The following ANKRD55 variants were observed in gnomAD, a reference collection of about 807,000 sequenced individuals.
ANKRD55 encodes the protein ankyrin repeat domain 55, also known as ankyrin repeat domain-containing protein 55.
Under a neutral mutation model 60.6 loss-of-function variants are expected in ANKRD55, and 41 were observed. That is an observed-to-expected ratio of 0.68 (90% CI 0.53 to 0.88). The LOEUF (loss-of-function observed/expected upper bound fraction) is 0.88, where lower values mean the gene tolerates loss of function less well. Ranked by LOEUF, ANKRD55 falls within the 40% of genes least tolerant of loss-of-function variation. The pLI is 0.00. For missense variants in ANKRD55, 732 were observed against 767.6 expected, an observed-to-expected ratio of 0.95 and a Z score of 0.55; for synonymous variants, 264 against 290.3, an observed-to-expected ratio of 0.91 and a Z score of 0.92.
intron 2 of ANKRD55, among the ~76,000 whole-genome samples, chr5:56,227,236 G>A (rs1455483178): frequency 4.0e-5 from 6 of 151,466 alleles, no homozygotes; most frequent in Non-Finnish European, 7.4e-5. Context: ...ACTATCGCAA[G>A]GACAGAAAAC....
Position 56,134,815 on chromosome 5 carries a change from A to G in ANKRD55, c.613-7709T>C, listed in dbSNP as rs140423918. On this transcript the variant is annotated intron_variant, in intron 7 of 11. Transcript: ENST00000341048. ...AGATATTATAAGAAAACTATAGACC[A>G]ATAACTTTCATAAAGATAGATGTAA... Among the ~76,000 whole-genome samples, 128 of 152,306 alleles carry G rather than the reference A, an allele frequency of 8.4e-4. 3 individuals carry two copies. In the East Asian group the frequency reaches 0.021, roughly 25 times the overall value.
At chr5:56,227,159 T>TA (rs1273363358) in intron 2 of ANKRD55, among the ~76,000 whole-genome samples, 3 of 151,752 alleles carry the variant, frequency 2.0e-5, no homozygotes, top group Non-Finnish European at 4.4e-5. Flanking sequence ...TATGCAGCCA[T>TA]AAAAAAGGAT....
Position 56,151,839 on chromosome 5 carries a change from A to ATG in ANKRD55, c.484-7912_484-7911dup, listed in dbSNP as rs1554039886. The stretch of plus-strand genomic sequence containing the variant: ...GAAAAAAAAAAATCTATATATATAT[A>ATG]TGTGTGTGTGTATATATATGTATAT... On this transcript the variant is annotated intron_variant, in intron 6 of 11. Transcript: ENST00000341048. Among the ~76,000 whole-genome samples, 475 of 147,962 alleles carry ATG rather than the reference A, an allele frequency of 3.2e-3. 3 individuals are homozygous for ATG. Among genetic ancestry groups the ATG allele is most frequent in the African/African-American group, 0.011 (440 of 40,252 alleles).
chr5:56,127,249 A>G lies in ANKRD55; in HGVS notation c.613-143T>C. 7 of 1,306,690 alleles carry G rather than the reference A, an allele frequency of 5.4e-6. No individual in the cohort carries two copies. In the South Asian group the frequency reaches 1.6e-4, roughly 30 times the overall value. 80.9% of individuals were successfully genotyped at this position (1,306,690 alleles called of 1,614,324 possible). ...TGAAAAGAGAAAAGGAAATGGAAAAAAAAGAATAAAAATACACTCTATCTA... is the reference window on the plus strand; with the variant it reads ...TGAAAAGAGAAAAGGAAATGGAAAAGAAAGAATAAAAATACACTCTATCTA... On this transcript the variant is annotated intron_variant, in intron 7 of 11. Coordinates refer to ENST00000341048, the MANE Select transcript of ANKRD55 (RefSeq NM_024669.3).
intron 4 of ANKRD55, among the ~76,000 whole-genome samples, 193 bp downstream of exon 4, chr5:56,175,959 A>G (rs548332477): frequency 6.6e-6 from 1 of 152,336 alleles, no homozygotes; most frequent in Admixed American, 6.5e-5. Flanking sequence ...AGGAAGATCC[A>G]AAATGGCCCA....
At chr5:56,136,114 A>AAAAT (rs1413547677) in intron 7 of ANKRD55, among the ~76,000 whole-genome samples, 1 of 152,188 alleles carries the variant, frequency 6.6e-6, no homozygotes, top group Non-Finnish European at 1.5e-5. Context: ...AAAAATTATA[A>AAAAT]AAATAAATAA....
At position 56,150,283 on chromosome 5, in the gene ANKRD55, T is replaced by C. The variant is rs1758007233; in HGVS notation, c.484-6354A>G. 2.0e-5 allele frequency among the ~76,000 whole-genome samples: 3 copies of C among 152,192 alleles called. No individual in the cohort carries two copies. The South Asian group carries it at 6.2e-4, about 31-fold the overall frequency. ...GTGCTATTACATTAGTGATTGCAGATCACTACATGTCTCACTACTTCAACA... is the reference window on the plus strand; with the variant it reads ...GTGCTATTACATTAGTGATTGCAGACCACTACATGTCTCACTACTTCAACA... On this transcript the variant is annotated intron_variant, in intron 6 of 11. Coordinates refer to ENST00000341048, the MANE Select transcript of ANKRD55 (RefSeq NM_024669.3).
At chr5:56,137,443 A>G (rs1020730319) in intron 7 of ANKRD55, 7 of 836,234 alleles carry the variant, frequency 8.4e-6, no homozygotes, top group Non-Finnish European at 1.2e-5. Context: ...AAGGAACAAA[A>G]TGTTCCTAAA....
chr5:56,161,550 G>A (rs1005212812), intron 5 of ANKRD55, among the ~76,000 whole-genome samples: 3 of 152,204 alleles, frequency 2.0e-5, no homozygotes, highest in Non-Finnish European at 2.9e-5. Context: ...AATACACAGA[G>A]AGCTTAAATA....
At chr5:56,129,406 G>T (rs1757352914) in intron 7 of ANKRD55, among the ~76,000 whole-genome samples, 1 of 152,166 alleles carries the variant, frequency 6.6e-6, no homozygotes, top group African/African-American at 2.4e-5. Flanking sequence ...GTATTTATTT[G>T]TTTTTGTTCA....
At chr5:56,123,225 G>A (rs976752076) in intron 8 of ANKRD55, among the ~76,000 whole-genome samples, 1 of 152,072 alleles carries the variant, frequency 6.6e-6, no homozygotes, top group Non-Finnish European at 1.5e-5. Context: ...AGGGCCAGGT[G>A]GTCTCTCAGG....
At chr5:56,109,052 C>CAT (rs60191220) in intron 10 of ANKRD55, among the ~76,000 whole-genome samples, 10,514 of 151,192 alleles carry the variant, frequency 0.07, 1,137 homozygotes, top group African/African-American at 0.23. Context: ...CACACACACA[C>CAT]ACACACACAC....
At chr5:56,204,001 TG>T (rs1368319696) in intron 2 of ANKRD55, among the ~76,000 whole-genome samples, 38 of 152,312 alleles carry the variant, frequency 2.5e-4, no homozygotes, top group Admixed American at 5.2e-4. Flanking sequence ...GCACCTGTTG[TG>T]TTTTTTTAAT....
chr5:56,194,136 T>C (rs1164430663), intron 2 of ANKRD55, among the ~76,000 whole-genome samples: 2 of 151,914 alleles, frequency 1.3e-5, no homozygotes, highest in Non-Finnish European at 2.9e-5. Flanking sequence ...GCCAACATGG[T>C]GAAACCTCAT....
intron 11 of ANKRD55, 67 bp from the exon 12 acceptor site, chr5:56,100,371 A>G (rs536486228): frequency 1.9e-6 from 3 of 1,595,726 alleles, no homozygotes; most frequent in South Asian, 1.1e-5. Context: ...CGGCAGGAGA[A>G]TTGTATTGTG....
At chr5:56,129,497 T>C (rs74956158) in intron 7 of ANKRD55, among the ~76,000 whole-genome samples, 305 of 152,220 alleles carry the variant, frequency 2.0e-3, no homozygotes, top group African/African-American at 6.7e-3. Flanking sequence ...TTACCTGTCA[T>C]GAGTGGGGAG....
At chr5:56,169,999 A>G (rs1329768253) in intron 5 of ANKRD55, among the ~76,000 whole-genome samples, 2 of 152,202 alleles carry the variant, frequency 1.3e-5, no homozygotes, top group Non-Finnish European at 2.9e-5. Flanking sequence ...CTTTTCCTTC[A>G]TTGCTCAGTT....
chr5:56,151,220 A>G (rs993408760), intron 6 of ANKRD55, among the ~76,000 whole-genome samples: 2 of 152,210 alleles, frequency 1.3e-5, no homozygotes, highest in Non-Finnish European at 2.9e-5. Flanking sequence ...AGATGTGTCC[A>G]TGTCATAAAT....
At chr5:56,111,063 G>A (rs1365785740) in intron 10 of ANKRD55, 55 bp downstream of exon 10, 14 of 1,554,294 alleles carry the variant, frequency 9.0e-6, no homozygotes, top group East Asian at 2.2e-5. Context: ...AAAACTGTAC[G>A]GGACATTTCC....
Sources: gnomAD v4.1 joint callset for allele counts (sites outside exome capture counted in the v4.1 genomes callset) on GRCh38, gnomAD v4.1.1 for gene constraint, MANE v1.5 for transcripts, NCBI Gene and HGNC (gene_info 2026-07-23, HGNC 2026-07-21) for gene names.